The following NCAM1 variants were observed in gnomAD, a reference collection of about 807,000 sequenced individuals.
NCAM1 encodes antigen recognized by monoclonal antibody 5.1H11.
Under a neutral mutation model 109.8 loss-of-function variants are expected in NCAM1, and 14 were observed. The observed-to-expected ratio is 0.13, with a 90% CI of 0.08 to 0.20. The LOEUF (loss-of-function observed/expected upper bound fraction) is 0.20, where lower values mean the gene tolerates loss of function less well. NCAM1 is among the 10% of genes least tolerant of loss of function. The pLI, the probability that NCAM1 is intolerant of heterozygous loss-of-function variation, is 1.00. For synonymous variants in NCAM1, 418 were observed against 442.9 expected, an observed-to-expected ratio of 0.94 and a Z score of 0.70; for missense variants, 774 against 1,109.9, an observed-to-expected ratio of 0.70 and a Z score of 4.30.
intron 14 of NCAM1, chr11:113,243,848 G>T: frequency 5.0e-6 from 1 of 200,466 alleles, no homozygotes; most frequent in South Asian, 8.2e-5. Context: ...TAATTGAACA[G>T]AGAAGAAAAG....
chr11:113,047,798 C>T (rs1953322563), intron 1 of NCAM1, among the ~76,000 whole-genome samples: 1 of 152,156 alleles, frequency 6.6e-6, no homozygotes, highest in African/African-American at 2.4e-5. Context: ...CTCCCCTTTA[C>T]AAAACCATCA....
At chr11:113,125,993 C>A (rs1941157497) in intron 1 of NCAM1, among the ~76,000 whole-genome samples, 1 of 151,368 alleles carries the variant, frequency 6.6e-6, no homozygotes, top group African/African-American at 2.4e-5. Context: ...CCATCTCTAC[C>A]AAAAAATACA....
rs917438622 is a variant in NCAM1, at chr11:113,264,022, C to A, written c.2131+3699C>A. The A allele has an allele frequency of 1.7e-5, 17 of 985,282 alleles. No individual in the cohort carries two copies. The South Asian group carries it at 7.0e-4, about 41-fold the overall frequency. 61.0% of individuals were successfully genotyped at this position (985,282 alleles called of 1,614,324 possible). ...CTCCTCCCTGCTGCTTGGGAGTTCA[C>A]CCAGGAGAGGAAATGGGTGTGTTTT... is the stretch of plus-strand genomic sequence containing the variant. On this transcript the variant is annotated intron_variant, in intron 17 of 19. Coordinates refer to ENST00000316851, the MANE Select transcript of NCAM1 (RefSeq NM_181351.5).
chr11:113,105,376 A>T (rs1283805545), intron 1 of NCAM1, among the ~76,000 whole-genome samples: 1 of 152,184 alleles, frequency 6.6e-6, no homozygotes, highest in African/African-American at 2.4e-5. Context: ...GGCATAACAT[A>T]ACATATTTCT....
chr11:113,035,184 T>C (rs782182887), intron 1 of NCAM1, among the ~76,000 whole-genome samples: 9 of 152,170 alleles, frequency 5.9e-5, no homozygotes, highest in African/African-American at 9.7e-5. Flanking sequence ...CCTTAGACCT[T>C]ATAACTAGGG....
intron 1 of NCAM1, among the ~76,000 whole-genome samples, chr11:113,100,037 AT>A (rs1939800578): frequency 6.6e-6 from 1 of 152,142 alleles, no homozygotes; most frequent in Non-Finnish European, 1.5e-5. Flanking sequence ...AGTCCTGGTC[AT>A]GGAAAAATCC....
chr11:113,034,527 G>T (rs1300954181), intron 1 of NCAM1, among the ~76,000 whole-genome samples: 3 of 152,096 alleles, frequency 2.0e-5, no homozygotes, highest in African/African-American at 7.2e-5. Flanking sequence ...TTGCTTATGA[G>T]GTCTTGTGGT....
chr11:113,186,002 G>A (rs1943498367), intron 1 of NCAM1, among the ~76,000 whole-genome samples: 2 of 152,172 alleles, frequency 1.3e-5, no homozygotes, highest in Admixed American at 6.5e-5. Context: ...CATTAGACTG[G>A]TGTGAATCTC....
rs374347472 is a variant in NCAM1, at chr11:113,255,889, C to T, written c.1841C>T (p.Ala614Val). 85 of 1,612,458 alleles carry T rather than the reference C, an allele frequency of 5.3e-5. No individual in the cohort carries two copies. The highest frequency in any genetic ancestry group is 6.4e-5 in the Non-Finnish European group (76 of 1,179,462). ...CTGGCTGTTTCAGGGGAACCCAGTG[C>T]ACCTAAGCTCGAAGGGCAGATGGGA... ...KTQPVQGEPS[A>V]PKLEGQMGED... is the part of the protein sequence containing the mutation. Residue 614 changes from alanine (A) to valine (V), a missense_variant, in exon 16 of 20, where the codon GCA (alanine) becomes GTA (valine). Coordinates refer to ENST00000316851, the MANE Select transcript of NCAM1 (RefSeq NM_181351.5).
At chr11:113,183,891 A>G (rs545579913) in intron 1 of NCAM1, among the ~76,000 whole-genome samples, 17 of 152,338 alleles carry the variant, frequency 1.1e-4, no homozygotes, top group Admixed American at 4.6e-4. Flanking sequence ...TAGGGAAACA[A>G]AAAGATTGTA....
chr11:113,228,738 C>T lies in NCAM1; in HGVS notation c.1090-2907C>T, dbSNP rs370337048. Among the ~76,000 whole-genome samples the T allele has an allele frequency of 2.0e-5, 3 of 152,102 alleles. No individual in the cohort carries two copies. In the South Asian group the frequency reaches 6.2e-4, roughly 32 times the overall value. The stretch of plus-strand genomic sequence containing the variant: ...TGGTACTGGTACCAAAACAGAGATA[C>T]AGACCAATGGAACAGAACAGAGCCC... On this transcript the variant is annotated intron_variant, in intron 9 of 19. Transcript: ENST00000316851.
chr11:113,207,571 G>A (rs1362191743), intron 6 of NCAM1, among the ~76,000 whole-genome samples, 193 bp downstream of exon 6: 2 of 152,114 alleles, frequency 1.3e-5, no homozygotes, highest in Non-Finnish European at 2.9e-5. Context: ...AGCCTTGTGG[G>A]GGCAGAGTCA....
intron 1 of NCAM1, among the ~76,000 whole-genome samples, chr11:113,027,523 C>A (rs1168687082): frequency 6.6e-6 from 1 of 152,138 alleles, no homozygotes; most frequent in Non-Finnish European, 1.5e-5. Context: ...GATTTTAGTT[C>A]TTATAATCAC....
At chr11:112,982,286 A>C (rs1461992176) in intron 1 of NCAM1, among the ~76,000 whole-genome samples, 1 of 151,928 alleles carries the variant, frequency 6.6e-6, no homozygotes, top group Non-Finnish European at 1.5e-5. Context: ...GGTAAGATCT[A>C]AAAAAGGAAT....
intron 1 of NCAM1, among the ~76,000 whole-genome samples, chr11:113,154,619 A>G (rs1942344717): frequency 6.6e-6 from 1 of 152,178 alleles, no homozygotes; most frequent in Admixed American, 6.5e-5. Flanking sequence ...TCCGTGTACT[A>G]GTGTCTATAG....
At chr11:113,153,961 T>C (rs1942325376) in intron 1 of NCAM1, among the ~76,000 whole-genome samples, 1 of 152,222 alleles carries the variant, frequency 6.6e-6, no homozygotes, top group Non-Finnish European at 1.5e-5. Context: ...TGAACAAATA[T>C]TTATTGAGCT....
chr11:113,013,167 C>T (rs1555074767), intron 1 of NCAM1, among the ~76,000 whole-genome samples: 1 of 151,914 alleles, frequency 6.6e-6, no homozygotes, highest in Non-Finnish European at 1.5e-5. Context: ...AGGCTCACAC[C>T]TGTAATACCA....
intron 1 of NCAM1, among the ~76,000 whole-genome samples, chr11:112,999,974 C>T (rs1283001332): frequency 6.6e-6 from 1 of 152,186 alleles, no homozygotes; most frequent in Non-Finnish European, 1.5e-5. Flanking sequence ...TCCTGGTACA[C>T]TTTCTATTAT....
At chr11:113,110,454 T>G (rs927867791) in intron 1 of NCAM1, among the ~76,000 whole-genome samples, 1 of 152,204 alleles carries the variant, frequency 6.6e-6, no homozygotes, top group Non-Finnish European at 1.5e-5. Flanking sequence ...TAATTGATTA[T>G]CCTCATCTCC....
Sources: gnomAD v4.1 joint callset for allele counts (sites outside exome capture counted in the v4.1 genomes callset) on GRCh38, gnomAD v4.1.1 for gene constraint, MANE v1.5 for transcripts, NCBI Gene and HGNC (gene_info 2026-07-23, HGNC 2026-07-21) for gene names.